The following VPS35L variants were observed in gnomAD, a reference collection of about 807,000 sequenced individuals.
The protein encoded by VPS35L is VPS35 endosomal protein sorting factor like, also known as VPS35 endosomal protein-sorting factor-like.
VPS35L carries 83 observed loss-of-function variants against 133.0 expected under a neutral mutation model. The observed-to-expected ratio is 0.62, with a 90% confidence interval of 0.52 to 0.75. The LOEUF (loss-of-function observed/expected upper bound fraction) is 0.75, where lower values mean the gene tolerates loss of function less well. Ranked by LOEUF, VPS35L falls within the 30% of genes least tolerant of loss-of-function variation. The probability of loss-of-function intolerance (pLI) is 0.00; values close to 1 mark genes in which losing one functional copy is unlikely to be tolerated. For missense variants in VPS35L, 1,083 were observed against 1,206.8 expected (o/e 0.90, Z 1.52); for synonymous variants, 423 against 449.9 (o/e 0.94, Z 0.76).
chr16:19,611,796 C>T (rs369724666), intron 12 of VPS35L: 1 of 152,064 alleles, frequency 6.6e-6, no homozygotes, highest in African/African-American at 2.4e-5. Context: ...CCAGAGATAT[C>T]AGGTGTGTTT....
chr16:19,557,471 C>T (rs748815168), intron 1 of VPS35L, among the ~76,000 whole-genome samples: 45 of 152,104 alleles, frequency 3.0e-4, no homozygotes, highest in Non-Finnish European at 5.1e-4. Flanking sequence ...CCGCAACCTC[C>T]GCCTCCCGGC....
intron 29 of VPS35L, among the ~76,000 whole-genome samples, chr16:19,698,925 T>A (rs886647733): frequency 6.6e-6 from 1 of 152,166 alleles, no homozygotes; most frequent in Non-Finnish European, 1.5e-5. Flanking sequence ...GACACTGTGG[T>A]TAGACTTTTT....
chr16:19,662,325 T>C (rs548795907), intron 26 of VPS35L, among the ~76,000 whole-genome samples: 28 of 151,000 alleles, frequency 1.9e-4, no homozygotes, highest in Non-Finnish European at 2.1e-4. Context: ...GCCAACATGG[T>C]GAAATGCCAT....
intron 26 of VPS35L, among the ~76,000 whole-genome samples, chr16:19,660,844 A>G (rs1256632027): frequency 6.6e-6 from 1 of 152,102 alleles, no homozygotes; most frequent in Non-Finnish European, 1.5e-5. Flanking sequence ...AAAACTTCCA[A>G]CCATACAGAA....
intron 5 of VPS35L, chr16:19,578,307 G>T: frequency 2.2e-6 from 1 of 445,728 alleles, no homozygotes; most frequent in Admixed American, 2.4e-5. Flanking sequence ...TTTTGAGATG[G>T]AGGTTACAGT....
intron 3 of VPS35L, among the ~76,000 whole-genome samples, chr16:19,571,884 G>A (rs1971397095): frequency 6.6e-6 from 1 of 151,118 alleles, no homozygotes; most frequent in East Asian, 1.9e-4. Context: ...ATGTCTTGGA[G>A]AACTATCCAT....
chr16:19,669,185 A>C lies in VPS35L; in HGVS notation c.2247A>C (p.Ile749=). 6.2e-7 allele frequency: 1 copy of C among 1,610,902 alleles called. No homozygotes were observed. Among genetic ancestry groups the C allele is most frequent in the African/African-American group, 1.3e-5 (1 of 75,032 alleles). ...SQADAFFKAA[I]SLVPEVPKMI... The stretch of plus-strand genomic sequence containing the variant: ...CTGATGCTTTTTTCAAAGCCGCTAT[A>C]AGCCTTGTTCCGGAAGTTCCAAAGA... The change falls in exon 27 of 31, where the codon ATA becomes ATC. Residue 749 remains isoleucine (I), a synonymous_variant. Transcript: ENST00000417362.
chr16:19,582,019 T>C (rs939605885), intron 7 of VPS35L: 11 of 187,980 alleles, frequency 5.9e-5, no homozygotes, highest in Non-Finnish European at 1.2e-4. Context: ...CGGGATTCCT[T>C]GACCGCATTC....
chr16:19,558,794 G>A (rs928804915), intron 1 of VPS35L, among the ~76,000 whole-genome samples: 1 of 151,934 alleles, frequency 6.6e-6, no homozygotes, highest in South Asian at 2.1e-4. Context: ...GTGGTGACGG[G>A]TGCCTGCAGT....
At chr16:19,597,187 A>G (rs375294578) in intron 8 of VPS35L, among the ~76,000 whole-genome samples, 1 of 152,014 alleles carries the variant, frequency 6.6e-6, no homozygotes, top group Non-Finnish European at 1.5e-5. Flanking sequence ...TGGGCAGCAT[A>G]GCAAAACCCC....
intron 20 of VPS35L, among the ~76,000 whole-genome samples, chr16:19,638,247 A>AT (rs1973681012): frequency 6.6e-6 from 1 of 152,108 alleles, no homozygotes; most frequent in Non-Finnish European, 1.5e-5. Context: ...AGATTGTAAG[A>AT]TTTTTTATTT....
rs1216646516 is a variant in VPS35L at position 19,679,503 on chromosome 16, ATTTATTTATTTATTTT to A, written c.2362-2718_2362-2703del. On this transcript the variant is annotated intron_variant, in intron 27 of 30. Coordinates refer to ENST00000417362, the MANE Select transcript of VPS35L (RefSeq NM_020314.7). ...TATTTATTTATTTATTTATTTATTT[ATTTATTTATTTATTTT>A]TTTGGAGACAGAGTCTCGCACTGTC... Among the ~76,000 whole-genome samples the A allele has an allele frequency of 4.7e-3, 578 of 122,558 alleles. 6 individuals are homozygous for A. The highest frequency in any genetic ancestry group is 6.9e-3 in the Non-Finnish European group (428 of 61,856). The allele number at this position is 122,558 out of a possible 152,430, so 80.4% of individuals were successfully genotyped here. A position where few individuals can be genotyped will look rare whatever the true frequency, so the allele number is the denominator to read the frequency against.
chr16:19,685,861 G>A (rs753405437), intron 28 of VPS35L, among the ~76,000 whole-genome samples: 2 of 152,210 alleles, frequency 1.3e-5, no homozygotes, highest in East Asian at 1.9e-4. Flanking sequence ...TGGAAGTGAG[G>A]CTATCACAGG....
At position 19,669,044 on chromosome 16, in the gene VPS35L, C is replaced by T. The variant is rs536193019; in HGVS notation, c.2222-116C>T. On this transcript the variant is annotated intron_variant, in intron 26 of 30. Coordinates refer to ENST00000417362, the MANE Select transcript of VPS35L (RefSeq NM_020314.7). ...GAAACCTTCTGCTAGGACCTGCCCT[C>T]GGCATGGCCTGGCTTCTACCTAACT... is the stretch of plus-strand genomic sequence containing the variant. The T allele has an allele frequency of 1.3e-3, 1,385 of 1,076,452 alleles. 2 individuals carry two copies. The highest frequency in any genetic ancestry group is 1.5e-3 in the Non-Finnish European group (1,179 of 774,290). 66.7% of individuals were successfully genotyped at this position (1,076,452 alleles called of 1,614,324 possible). A position where few individuals can be genotyped will look rare whatever the true frequency, so the allele number is the denominator to read the frequency against.
chr16:19,623,766 TTTA>T (rs199933640), intron 14 of VPS35L, among the ~76,000 whole-genome samples: 29,157 of 126,452 alleles, frequency 0.23, 3,509 homozygotes, highest in East Asian at 0.36. Flanking sequence ...TACTTATTTA[TTTA>T]TTATTATTAT....
chr16:19,557,177 A>G (rs1222415060), intron 1 of VPS35L, among the ~76,000 whole-genome samples: 1 of 152,146 alleles, frequency 6.6e-6, no homozygotes, highest in Admixed American at 6.6e-5. Context: ...CTTGACCAAA[A>G]AGCTAACCAA....
At chr16:19,634,186 T>C (rs1973549872) in intron 19 of VPS35L, among the ~76,000 whole-genome samples, 1 of 151,256 alleles carries the variant, frequency 6.6e-6, no homozygotes, top group South Asian at 2.1e-4. Context: ...GTGTGGTGGC[T>C]CATGCCTGTA....
At chr16:19,635,750 A>G (rs186753317) in intron 19 of VPS35L, among the ~76,000 whole-genome samples, 217 of 152,334 alleles carry the variant, frequency 1.4e-3, no homozygotes, top group African/African-American at 4.8e-3. Context: ...AGTTCAGGGA[A>G]AAAATAGTAT....
chr16:19,638,397 G>A (rs1284935220), intron 20 of VPS35L, among the ~76,000 whole-genome samples: 5 of 152,178 alleles, frequency 3.3e-5, no homozygotes, highest in Non-Finnish European at 7.3e-5. Flanking sequence ...TTCTTATCCA[G>A]GAGGAATATA....
Sources: allele counts gnomAD v4.1 joint callset (sites outside exome capture counted in the v4.1 genomes callset), GRCh38; gene constraint gnomAD v4.1.1; transcripts MANE v1.5; gene names NCBI Gene and HGNC (gene_info 2026-07-23, HGNC 2026-07-21).